THSD7B: variants seen among roughly 807,000 people sequenced by gnomAD.
The protein encoded by THSD7B is thrombospondin type 1 domain containing 7B.
In THSD7B, 138 loss-of-function variants were observed where a neutral mutation model predicts 213.6. The ratio of observed to expected loss-of-function variants is 0.65; its 90% CI spans 0.56 to 0.74. The LOEUF (loss-of-function observed/expected upper bound fraction) is 0.74, where lower values mean the gene tolerates loss of function less well. Among genes scored for constraint, THSD7B ranks in the 30% least tolerant of loss-of-function variants. The probability of loss-of-function intolerance (pLI) is 0.00; values close to 1 mark genes in which losing one functional copy is unlikely to be tolerated. For missense variants in THSD7B, 1,931 were observed against 1,991.5 expected (o/e 0.97, Z 0.58); for synonymous variants, 742 against 687.0 (o/e 1.08, Z -1.25).
intron 21 of THSD7B, among the ~76,000 whole-genome samples, chr2:137,647,379 G>T (rs1683052882): frequency 6.6e-6 from 1 of 151,288 alleles, no homozygotes; most frequent in Non-Finnish European, 1.5e-5. Context: ...AGACTGGGAA[G>T]TTTGAAGGCC....
chr2:137,299,388 G>T (rs1039079978), intron 12 of THSD7B, among the ~76,000 whole-genome samples: 1 of 152,074 alleles, frequency 6.6e-6, no homozygotes, highest in African/African-American at 2.4e-5. Context: ...TTTGGACTAT[G>T]GACTTTTGAG....
intron 20 of THSD7B, among the ~76,000 whole-genome samples, chr2:137,621,236 G>A (rs1053263735): frequency 6.6e-6 from 1 of 152,176 alleles, no homozygotes; most frequent in African/African-American, 2.4e-5. Context: ...ACTTGGCTCT[G>A]TGGAGGTTTT....
chr2:137,273,688 TC>T (rs1682803656), intron 11 of THSD7B, among the ~76,000 whole-genome samples: 1 of 152,116 alleles, frequency 6.6e-6, no homozygotes, highest in African/African-American at 2.4e-5. Context: ...GATTTTATCA[TC>T]CTTTACTTTC....
At chr2:137,003,635 G>A (rs1686044529) in intron 2 of THSD7B, among the ~76,000 whole-genome samples, 1 of 152,102 alleles carries the variant, frequency 6.6e-6, no homozygotes, top group Admixed American at 6.5e-5. Flanking sequence ...TTCCATTTGG[G>A]TCTCTTTACA....
chr2:137,474,529 G>A (rs191914627), intron 15 of THSD7B, among the ~76,000 whole-genome samples: 1 of 152,122 alleles, frequency 6.6e-6, no homozygotes, highest in African/African-American at 2.4e-5. Flanking sequence ...TTATTTTCTT[G>A]TTAGCTCTCT....
intron 2 of THSD7B, among the ~76,000 whole-genome samples, chr2:136,892,505 C>T (rs1683879642): frequency 6.7e-6 from 1 of 150,326 alleles, no homozygotes; most frequent in Non-Finnish European, 1.5e-5. Context: ...CTACGCTGGA[C>T]TACTGAAAAA....
chr2:137,646,073 G>A (rs943504385), intron 21 of THSD7B, among the ~76,000 whole-genome samples: 4 of 152,086 alleles, frequency 2.6e-5, no homozygotes, highest in African/African-American at 7.2e-5. Flanking sequence ...GAAATTATTA[G>A]AGCAATTATG....
chr2:137,062,922 A>G (rs918710645), intron 3 of THSD7B, among the ~76,000 whole-genome samples: 8 of 152,012 alleles, frequency 5.3e-5, no homozygotes, highest in Non-Finnish European at 1.0e-4. Context: ...TCCAAAAACA[A>G]TACAAATTTT....
intron 2 of THSD7B, among the ~76,000 whole-genome samples, chr2:136,951,130 C>T (rs559000179): frequency 1.3e-5 from 2 of 152,202 alleles, no homozygotes; most frequent in African/African-American, 4.8e-5. Flanking sequence ...CTCACAACAT[C>T]ACTAATTGTA....
At chr2:137,546,466 AT>A (rs1680737199) in intron 15 of THSD7B, among the ~76,000 whole-genome samples, 1 of 22,698 alleles carries the variant, frequency 4.4e-5, no homozygotes, top group African/African-American at 3.7e-4. Flanking sequence ...TATATATAAT[AT>A]ATATATATAT....
At chr2:137,045,609 G>C (rs934337652) in intron 2 of THSD7B, among the ~76,000 whole-genome samples, 2 of 152,196 alleles carry the variant, frequency 1.3e-5, no homozygotes, top group African/African-American at 4.8e-5. Flanking sequence ...AACTACTGTA[G>C]TAAGCTGGTA....
In THSD7B at chr2:136,977,308, T is replaced by G. The variant is rs529611378; in HGVS notation, c.140-79112T>G. On this transcript the variant is annotated intron_variant, in intron 2 of 27. Transcript: ENST00000409968. ...TGATACATCCTTTATCATTTTTTAT[T>G]GTATCTATTTGATTCTTCTCTCTCT... Among the ~76,000 whole-genome samples the G allele has an allele frequency of 5.8e-4, 89 of 152,344 alleles. 1 individual carries two copies. In the Middle Eastern group the frequency reaches 0.01, roughly 17 times the overall value.
intron 14 of THSD7B, among the ~76,000 whole-genome samples, chr2:137,415,714 C>G (rs1686784152): frequency 8.1e-6 from 1 of 123,522 alleles, no homozygotes; most frequent in Admixed American, 9.8e-5. Context: ...AAAAAGTACT[C>G]TAGCATGCCA....
chr2:136,967,236 T>G (rs536156414), intron 2 of THSD7B, among the ~76,000 whole-genome samples: 1 of 152,342 alleles, frequency 6.6e-6, no homozygotes, highest in East Asian at 1.9e-4. Context: ...AAGGAAATAC[T>G]GAAGGACTGT....
chr2:137,376,579 T>C (rs977913764), intron 12 of THSD7B, among the ~76,000 whole-genome samples: 3 of 152,238 alleles, frequency 2.0e-5, no homozygotes, highest in African/African-American at 7.2e-5. Flanking sequence ...GAATAAATCA[T>C]ACACATGCAG....
intron 3 of THSD7B, among the ~76,000 whole-genome samples, chr2:137,073,732 A>G (rs1332035964): frequency 6.6e-6 from 1 of 152,100 alleles, no homozygotes; most frequent in Non-Finnish European, 1.5e-5. Flanking sequence ...AGTGCTATAA[A>G]TTTCCCTCTA....
intron 1 of THSD7B, among the ~76,000 whole-genome samples, chr2:136,873,407 G>A (rs1683474443): frequency 6.6e-6 from 1 of 152,170 alleles, no homozygotes; most frequent in South Asian, 2.1e-4. Flanking sequence ...GAAGAGGCTG[G>A]TGGTTCAAAG....
intron 15 of THSD7B, among the ~76,000 whole-genome samples, chr2:137,514,111 C>A (rs986642371): frequency 1.3e-5 from 2 of 151,992 alleles, no homozygotes; most frequent in African/African-American, 4.8e-5. Flanking sequence ...TCTCTTACTG[C>A]CTATATATAT....
chr2:136,776,860 GCACACA>G lies in THSD7B; in HGVS notation c.-36+11182_-36+11187del, dbSNP rs145111981. On this transcript the variant is annotated intron_variant, in intron 1 of 27. Transcript: ENST00000409968. The stretch of plus-strand genomic sequence containing the variant: ...CACACTTGTGCGCTCACACACGTAT[GCACACA>G]CACACACATACAACCAGAAAGAAAA... Among the ~76,000 whole-genome samples the G allele has an allele frequency of 7.2e-5, 11 of 151,740 alleles. No homozygotes were observed. In the East Asian group the frequency reaches 1.7e-3, roughly 24 times the overall value.
Sources: allele counts gnomAD v4.1 joint callset (sites outside exome capture counted in the v4.1 genomes callset), GRCh38; gene constraint gnomAD v4.1.1; transcripts MANE v1.5; gene names NCBI Gene and HGNC (gene_info 2026-07-23, HGNC 2026-07-21).